The following ADAMTS2 variants were observed in gnomAD, a reference collection of about 807,000 sequenced individuals.
The protein encoded by ADAMTS2 is A disintegrin and metalloproteinase with thrombospondin motifs 2.
ADAMTS2 carries 50 observed loss-of-function variants against 123.0 expected under a neutral mutation model. The ratio of observed to expected loss-of-function variants is 0.41; its 90% CI spans 0.32 to 0.51. ADAMTS2 has a LOEUF of 0.51. ADAMTS2 is among the 20% of genes least tolerant of loss of function. The pLI is 0.35. For synonymous variants in ADAMTS2, 678 were observed against 695.4 expected, an observed-to-expected ratio of 0.98 and a Z score of 0.39; for missense variants, 1,494 against 1,705.2, an observed-to-expected ratio of 0.88 and a Z score of 2.18.
intron 5 of ADAMTS2, among the ~76,000 whole-genome samples, chr5:179,165,618 G>T (rs916153706): frequency 3.3e-5 from 5 of 152,198 alleles, no homozygotes; most frequent in African/African-American, 7.2e-5. Context: ...TCCCTCCCAG[G>T]GGCAGCCGCG....
intron 2 of ADAMTS2, among the ~76,000 whole-genome samples, chr5:179,302,796 T>C (rs1403015782): frequency 6.6e-6 from 1 of 150,796 alleles, no homozygotes. Flanking sequence ...GAGGCAGCGA[T>C]GGAGAGATCT....
Position 179,197,570 on chromosome 5 carries a change from A to G in ADAMTS2, c.891+9943T>C, listed in dbSNP as rs562549198. Among the ~76,000 whole-genome samples, 6 of 152,226 alleles carry G rather than the reference A, an allele frequency of 3.9e-5. No homozygotes were observed. The East Asian group carries it at 9.7e-4, about 25-fold the overall frequency. ...ATAGCATGAACCTGTCTCTAAAACAAATCTTTAAAAAATGAGTCAGGCATG... is the reference window on the plus strand; with the variant it reads ...ATAGCATGAACCTGTCTCTAAAACAGATCTTTAAAAAATGAGTCAGGCATG... On this transcript the variant is annotated intron_variant, in intron 4 of 21. Transcript: ENST00000251582. This position sits in a 1 kb window ranked among gnomAD's most constrained non-coding sequence, Gnocchi z 4.2.
intron 19 of ADAMTS2, 36 bp from the exon 20 acceptor site, chr5:179,122,809 C>G: frequency 6.4e-7 from 1 of 1,551,194 alleles, no homozygotes. Flanking sequence ...GGTTCACCTC[C>G]CACACAGGGC....
chr5:179,152,123 G>A lies in ADAMTS2; in HGVS notation c.1629+19C>T. On this transcript the variant is annotated intron_variant, in intron 10 of 21. Coordinates refer to ENST00000251582, the MANE Select transcript of ADAMTS2 (RefSeq NM_014244.5). ...TCCTCTGCCCTGCTGCCCTCCAAGAGCCCTTGATGCTGCCTCACCTTGCCA... is the reference window on the plus strand; with the variant it reads ...TCCTCTGCCCTGCTGCCCTCCAAGAACCCTTGATGCTGCCTCACCTTGCCA... The A allele has an allele frequency of 6.2e-7, 1 of 1,603,244 alleles. No individual in the cohort carries two copies. Among genetic ancestry groups the A allele is most frequent in the Non-Finnish European group, 8.5e-7 (1 of 1,170,340 alleles).
chr5:179,239,845 T>C (rs1278053303), intron 3 of ADAMTS2, among the ~76,000 whole-genome samples: 2 of 152,058 alleles, frequency 1.3e-5, no homozygotes, highest in African/African-American at 4.8e-5. Context: ...AGAAAGTGGG[T>C]GTCCGGTAAG....
intron 13 of ADAMTS2, among the ~76,000 whole-genome samples, chr5:179,135,598 G>A (rs1265914656): frequency 6.6e-6 from 1 of 152,178 alleles, no homozygotes; most frequent in Non-Finnish European, 1.5e-5. Flanking sequence ...ACGTGCATTG[G>A]AAATCACCTG....
chr5:179,158,876 T>C lies in ADAMTS2; in HGVS notation c.979A>G (p.Met327Val). ...GGGTTCCCGATCTCGATGAGGCTCA[T>C]GGACTGCAGGGGGATGGAGAGAAAT... ...RIILLSYGKSMSLIEIGNPSQ... is the reference protein window; with the variant it reads ...RIILLSYGKSVSLIEIGNPSQ... The change falls in exon 6 of 22, where the codon ATG becomes GTG. Residue 327 changes from methionine to valine, a missense_variant. Coordinates refer to ENST00000251582, the MANE Select transcript of ADAMTS2 (RefSeq NM_014244.5). This position sits in a 1 kb window ranked among gnomAD's most constrained non-coding sequence, Gnocchi z 5.0. 6.2e-7 allele frequency: 1 copy of C among 1,614,042 alleles called. No homozygotes were observed. The highest frequency in any genetic ancestry group is 8.5e-7 in the Non-Finnish European group (1 of 1,180,026).
chr5:179,257,497 C>T (rs565822091), intron 3 of ADAMTS2, among the ~76,000 whole-genome samples: 5 of 152,324 alleles, frequency 3.3e-5, no homozygotes, highest in East Asian at 1.9e-4. Context: ...CCCGGCGCCA[C>T]GCCTGCTCCC....
intron 3 of ADAMTS2, among the ~76,000 whole-genome samples, chr5:179,232,802 G>A (rs1765439141): frequency 6.6e-6 from 1 of 151,418 alleles, no homozygotes. Context: ...ATAAAGGGCT[G>A]TTGAACTGCA....
At chr5:179,191,367 C>T (rs1764302551) in intron 4 of ADAMTS2, among the ~76,000 whole-genome samples, 1 of 152,190 alleles carries the variant, frequency 6.6e-6, no homozygotes, top group African/African-American at 2.4e-5. Context: ...CGTGCCACCC[C>T]CGGCCCTGGC....
intron 19 of ADAMTS2, among the ~76,000 whole-genome samples, chr5:179,124,461 A>G (rs1034563436): frequency 6.6e-6 from 1 of 152,098 alleles, no homozygotes; most frequent in Non-Finnish European, 1.5e-5. Context: ...GGCGTCCCCT[A>G]GGATCCTGGA....
intron 2 of ADAMTS2, among the ~76,000 whole-genome samples, chr5:179,286,184 A>G (rs1438015408): frequency 9.9e-5 from 14 of 141,522 alleles, no homozygotes; most frequent in Non-Finnish European, 3.0e-5. Flanking sequence ...GCTGCACTCC[A>G]GCTTGGGCTA....
Position 179,162,160 on chromosome 5 carries a change from C to T in ADAMTS2, c.976-3281G>A, listed in dbSNP as rs543909780. On this transcript the variant is annotated intron_variant, in intron 5 of 21. Transcript: ENST00000251582. The surrounding 1 kb of genome is among the most constrained non-coding windows in gnomAD (Gnocchi z 5.1). ...CCCCATGTAGTGGGACGGTCCCTTC[C>T]GATGCCCTGGTGGGTTGCGGTGACT... Among the ~76,000 whole-genome samples the T allele has an allele frequency of 7.1e-4, 108 of 152,292 alleles. 1 individual carries two copies. The highest frequency in any genetic ancestry group is 2.5e-3 in the African/African-American group (103 of 41,576).
intron 10 of ADAMTS2, among the ~76,000 whole-genome samples, chr5:179,141,831 C>G (rs578180659): frequency 6.6e-6 from 1 of 152,204 alleles, no homozygotes; most frequent in African/African-American, 2.4e-5. Context: ...CCCCTTCCCC[C>G]ACCCAGGCCC....
At chr5:179,230,617 CGG>C (rs1174191946) in intron 3 of ADAMTS2, among the ~76,000 whole-genome samples, 2 of 152,222 alleles carry the variant, frequency 1.3e-5, no homozygotes, top group Non-Finnish European at 2.9e-5. Flanking sequence ...CACTGCACTG[CGG>C]TGTGTCTGCG....
In ADAMTS2 at chr5:179,180,423, C is replaced by T. The variant is rs1764019248; in HGVS notation, c.975+649G>A. Among the ~76,000 whole-genome samples the T allele has an allele frequency of 1.3e-5, 2 of 152,218 alleles. No individual in the cohort carries two copies. The highest frequency in any genetic ancestry group is 1.3e-4 in the Admixed American group (2 of 15,282). On this transcript the variant is annotated intron_variant, in intron 5 of 21. Transcript: ENST00000251582. The surrounding 1 kb of genome is among the most constrained non-coding windows in gnomAD (Gnocchi z 4.6). ...GAAGTCCAAGGGAGGGTCGTGTTAA[C>T]CACGTGTTTCTGATGCTTTGACATC...
At chr5:179,325,158 G>A (rs1045068463) in intron 2 of ADAMTS2, among the ~76,000 whole-genome samples, 10 of 152,264 alleles carry the variant, frequency 6.6e-5, no homozygotes, top group African/African-American at 2.2e-4. Flanking sequence ...GTGATCTTTC[G>A]GAGCTCCTGT....
At chr5:179,259,564 C>T (rs34756026) in intron 3 of ADAMTS2, among the ~76,000 whole-genome samples, 44,561 of 152,062 alleles carry the variant, frequency 0.29, 7,441 homozygotes, top group Non-Finnish European at 0.35. Flanking sequence ...TGCTCCAGCC[C>T]GACGGCATCC....
intron 3 of ADAMTS2, among the ~76,000 whole-genome samples, chr5:179,270,528 CAT>C (rs1766501629): frequency 6.6e-6 from 1 of 152,044 alleles, no homozygotes; most frequent in African/African-American, 2.4e-5. Context: ...CACACACACA[CAT>C]ACACACACAC....
Sources: gnomAD v4.1 joint callset for allele counts (sites outside exome capture counted in the v4.1 genomes callset) on GRCh38, gnomAD v4.1.1 for gene constraint, Gnocchi (gnomAD v3.1) non-coding constraint, MANE v1.5 for transcripts, NCBI Gene and HGNC (gene_info 2026-07-23, HGNC 2026-07-21) for gene names.